The following TERT variants were observed in gnomAD, a reference collection of about 807,000 sequenced individuals.
TERT encodes the protein telomerase catalytic subunit.
In TERT, 42 loss-of-function variants were observed where a neutral mutation model predicts 104.0. That is an observed-to-expected ratio of 0.40 (90% CI 0.32 to 0.52). The LOEUF is 0.52. Among genes scored for constraint, TERT ranks in the 20% least tolerant of loss-of-function variants. The pLI is 0.43. For synonymous variants in TERT, 781 were observed against 725.6 expected, an observed-to-expected ratio of 1.08 and a Z score of -1.23; for missense variants, 1,101 against 1,610.3, an observed-to-expected ratio of 0.68 and a Z score of 5.41.
intron 6 of TERT, among the ~76,000 whole-genome samples, chr5:1,276,473 A>C (rs1446720733): frequency 1.3e-5 from 2 of 149,540 alleles, no homozygotes; most frequent in Non-Finnish European, 3.0e-5. Context: ...CCACACATAA[A>C]AACCAATCCC....
At chr5:1,259,516 C>A (rs556524484) in intron 12 of TERT, among the ~76,000 whole-genome samples, 3 of 87,168 alleles carry the variant, frequency 3.4e-5, no homozygotes, top group Admixed American at 1.5e-4. Context: ...TGGACACGGA[C>A]GCCCACAGGA....
At chr5:1,284,873 GTCTGGCGACC>G (rs1561207241) in intron 2 of TERT, among the ~76,000 whole-genome samples, 1 of 137,892 alleles carries the variant, frequency 7.3e-6, no homozygotes, top group Admixed American at 7.3e-5. Flanking sequence ...GTCTGGCACC[GTCTGGCGACC>G]TCACTCCAGA....
rs1060502990 is a variant in TERT at position 1,294,549 on chromosome 5, CG to C, written c.336del (p.Glu113ArgfsTer15). On this transcript the variant is annotated frameshift_variant, in exon 2 of 16. Coordinates refer to ENST00000310581, the MANE Select transcript of TERT (RefSeq NM_198253.3). LOFTEE classifies it high-confidence loss of function. ...ALLDGARGGPPEAFTTSVRSY... is the reference protein window; with the variant it reads ...ALLDGARGGPXEAFTTSVRSY... Reference sequence around the variant, plus strand: ...CTGCGCACGCTGGTGGTGAAGGCCTCGGGGGGGCCCCCGCGGGCCCCGTCCA... The same window carrying C: ...CTGCGCACGCTGGTGGTGAAGGCCTCGGGGGGCCCCCGCGGGCCCCGTCCA... The C allele has an allele frequency of 1.9e-6, 3 of 1,579,054 alleles. No individual in the cohort carries two copies. Among genetic ancestry groups the C allele is most frequent in the Non-Finnish European group, 1.7e-6 (2 of 1,170,470 alleles).
Position 1,258,912 on chromosome 5 carries a change from G to A in TERT, c.2971-253C>T, listed in dbSNP as rs1055463413. Reference sequence around the variant, plus strand: ...ACAGGAAGGAACCAGGAGAGGGAGTGGACGCAAATGCCCACAGAGAGGGGA... The same window carrying A: ...ACAGGAAGGAACCAGGAGAGGGAGTAGACGCAAATGCCCACAGAGAGGGGA... On this transcript the variant is annotated intron_variant, in intron 12 of 15. Transcript: ENST00000310581. Among the ~76,000 whole-genome samples the A allele has an allele frequency of 2.0e-5, 3 of 152,260 alleles. No individual in the cohort carries two copies. In the South Asian group the frequency reaches 6.2e-4, roughly 32 times the overall value.
At chr5:1,289,011 C>G (rs1750666851) in intron 2 of TERT, among the ~76,000 whole-genome samples, 1 of 152,188 alleles carries the variant, frequency 6.6e-6, no homozygotes, top group Non-Finnish European at 1.5e-5. Flanking sequence ...GCAACCGGCG[C>G]AGCTGTGGCT....
Position 1,292,368 on chromosome 5 carries a change from A to G in TERT, c.1573+945T>C, listed in dbSNP as rs1378954646. Among the ~76,000 whole-genome samples the G allele has an allele frequency of 6.6e-6, 1 of 152,116 alleles. No homozygotes were observed. The highest frequency in any genetic ancestry group is 1.9e-4 in the East Asian group (1 of 5,182). Reference sequence around the variant, plus strand: ...GCAGCACCATCCCCTGAACACCCACAAACACTGTCCCTTCCTCAGCAGGTG... The same window carrying G: ...GCAGCACCATCCCCTGAACACCCACGAACACTGTCCCTTCCTCAGCAGGTG... On this transcript the variant is annotated intron_variant, in intron 2 of 15. Coordinates refer to ENST00000310581, the MANE Select transcript of TERT (RefSeq NM_198253.3). This position sits in a 1 kb window ranked among gnomAD's most constrained non-coding sequence, Gnocchi z 5.5.
intron 2 of TERT, among the ~76,000 whole-genome samples, chr5:1,283,248 T>C (rs1458248780): frequency 1.0e-5 from 1 of 98,138 alleles, no homozygotes; most frequent in East Asian, 3.3e-4. Flanking sequence ...ACCTGCACCA[T>C]CCGACACCGC....
intron 2 of TERT, among the ~76,000 whole-genome samples, chr5:1,289,784 G>T (rs1369384199): frequency 2.2e-4 from 22 of 102,232 alleles, no homozygotes; most frequent in African/African-American, 8.8e-4. Context: ...CACGTGACAG[G>T]GACACCCGGG....
rs373766401 is a variant in TERT at position 1,275,707 on chromosome 5, C to G, written c.2286+2934G>C. Among the ~76,000 whole-genome samples, 69 of 152,218 alleles carry G rather than the reference C, an allele frequency of 4.5e-4. 1 individual carries two copies. In the South Asian group the frequency reaches 0.013, roughly 30 times the overall value. ...GCTCGCCTTGAACTCTGTGTTACCCCACTCATAAAAACCAATCCCACAGAT... is the reference window on the plus strand; with the variant it reads ...GCTCGCCTTGAACTCTGTGTTACCCGACTCATAAAAACCAATCCCACAGAT... On this transcript the variant is annotated intron_variant, in intron 6 of 15. Transcript: ENST00000310581.
At chr5:1,272,073 C>T (rs1749077741) in intron 7 of TERT, 112 bp downstream of exon 7, 2 of 931,216 alleles carry the variant, frequency 2.1e-6, no homozygotes, top group South Asian at 2.8e-5. Flanking sequence ...CAGCTCATTC[C>T]CCCCACTGCC....
In TERT at chr5:1,256,840, CA is replaced by C. The variant is rs2126567637; in HGVS notation, c.3033-1430del. Among the ~76,000 whole-genome samples, 1 of 152,350 alleles carries C rather than the reference CA, an allele frequency of 6.6e-6. No individual in the cohort carries two copies. Among genetic ancestry groups the C allele is most frequent in the African/African-American group, 2.4e-5 (1 of 41,580 alleles). On this transcript the variant is annotated intron_variant, in intron 13 of 15. Coordinates refer to ENST00000310581, the MANE Select transcript of TERT (RefSeq NM_198253.3). This position sits in a 1 kb window ranked among gnomAD's most constrained non-coding sequence, Gnocchi z 7.0. ...GCTCTCTTCCAAAGGGAGAAATAGC[CA>C]CCTGCTAGAGGTCGGGGCGTCCACC...
intron 2 of TERT, among the ~76,000 whole-genome samples, chr5:1,285,239 C>G (rs1433789319): frequency 6.6e-6 from 1 of 151,722 alleles, no homozygotes; most frequent in Non-Finnish European, 1.5e-5. Context: ...ACAGCAGGGC[C>G]TGGCGACCTC....
At chr5:1,290,952 C>T (rs867093118) in intron 2 of TERT, among the ~76,000 whole-genome samples, 91 of 139,712 alleles carry the variant, frequency 6.5e-4, no homozygotes, top group African/African-American at 2.4e-3. Flanking sequence ...TCACCCTGCA[C>T]GTGACAGGGA....
At position 1,286,746 on chromosome 5, in the gene TERT, TGG is replaced by T. The variant is rs1302028752; in HGVS notation, c.1574-4124_1574-4123del. ...TACAAAAATTAGCCAGGCGTGGTGG[TGG>T]GCGCCTGTAATCCCAGCTACTCATG... On this transcript the variant is annotated intron_variant, in intron 2 of 15. Transcript: ENST00000310581. The surrounding 1 kb of genome is among the most constrained non-coding windows in gnomAD (Gnocchi z 5.3). Among the ~76,000 whole-genome samples the T allele has an allele frequency of 2.0e-5, 3 of 151,960 alleles. No individual in the cohort carries two copies. The highest frequency in any genetic ancestry group is 4.4e-5 in the Non-Finnish European group (3 of 67,970).
intron 5 of TERT, among the ~76,000 whole-genome samples, chr5:1,279,080 C>T (rs566632685): frequency 2.6e-5 from 4 of 152,196 alleles, no homozygotes; most frequent in African/African-American, 7.2e-5. Context: ...AATAGGAGCC[C>T]GGGCAGTCAG....
rs563360138 is a variant in TERT at position 1,275,976 on chromosome 5, C to T, written c.2286+2665G>A. On this transcript the variant is annotated intron_variant, in intron 6 of 15. Transcript: ENST00000310581. ...CTCCACAGATCCCCACCTACCCCCA[C>T]ACATAAAAACCAACTCCACAGATCC... 4.2e-5 allele frequency among the ~76,000 whole-genome samples: 6 copies of T among 143,178 alleles called. No individual in the cohort carries two copies. The South Asian group carries it at 1.4e-3, about 34-fold the overall frequency. 93.9% of individuals were successfully genotyped at this position (143,178 alleles called of 152,430 possible).
Position 1,292,599 on chromosome 5 carries a change from G to C in TERT, c.1573+714C>G, listed in dbSNP as rs7713080. Reference sequence around the variant, plus strand: ...ACAATCTCAGCTCACTGCAGCCTCCGCCTCCTGGGTTCAAGTGATTCTCCT... The same window carrying C: ...ACAATCTCAGCTCACTGCAGCCTCCCCCTCCTGGGTTCAAGTGATTCTCCT... On this transcript the variant is annotated intron_variant, in intron 2 of 15. Transcript: ENST00000310581. This position sits in a 1 kb window ranked among gnomAD's most constrained non-coding sequence, Gnocchi z 5.5. 4.8e-3 allele frequency among the ~76,000 whole-genome samples: 727 copies of C among 152,036 alleles called. 5 individuals carry two copies. The highest frequency in any genetic ancestry group is 0.017 in the African/African-American group (695 of 41,434).
Position 1,294,081 on chromosome 5 carries a change from C to A in TERT, c.805G>T (p.Gly269Cys). 1 of 1,591,098 alleles carries A rather than the reference C, an allele frequency of 6.3e-7. No individual in the cohort carries two copies. The highest frequency in any genetic ancestry group is 1.1e-5 in the South Asian group (1 of 88,486). Residue 269 changes from glycine to cysteine, a missense_variant, in exon 2 of 16, where the codon GGT becomes TGT. Physicochemically the swap from Gly to Cys is radical, Grantham distance 159. This residue lies in a region of TERT where 504 missense variants were observed against 544.6 expected (regional missense o/e 0.93). Transcript: ENST00000310581. ...PGRTRGPSDR[G>C]FCVVSPARPA... ...CTGGCAGGTGACACCACACAGAAACCACGGTCACTCGGTCCACGCGTCCTG... is the reference window on the plus strand; with the variant it reads ...CTGGCAGGTGACACCACACAGAAACAACGGTCACTCGGTCCACGCGTCCTG...
At chr5:1,280,742 A>G (rs1749965479) in intron 3 of TERT, among the ~76,000 whole-genome samples, 1 of 152,154 alleles carries the variant, frequency 6.6e-6, no homozygotes, top group Admixed American at 6.5e-5. Context: ...ACCCCCAGGT[A>G]GAAAGAGCCA....
Sources: gnomAD v4.1 joint callset for allele counts (sites outside exome capture counted in the v4.1 genomes callset) on GRCh38, gnomAD v4.1.1 for gene constraint, gnomAD v4.1.1 regional missense constraint, Gnocchi (gnomAD v3.1) non-coding constraint, MANE v1.5 for transcripts, NCBI Gene and HGNC (gene_info 2026-07-23, HGNC 2026-07-21) for gene names.